Variants in LGR5 observed in about 807,000 individuals in gnomAD.
The protein encoded by LGR5 is leucine rich repeat containing G protein-coupled receptor 5, also known as leucine-rich repeat-containing G protein-coupled receptor 5.
In LGR5, 54 loss-of-function variants were observed where a neutral mutation model predicts 76.7. The observed-to-expected ratio is 0.70, with a 90% CI of 0.57 to 0.88. The LOEUF (loss-of-function observed/expected upper bound fraction) is 0.88, where lower values mean the gene tolerates loss of function less well. Ranked by LOEUF, LGR5 falls within the 40% of genes least tolerant of loss-of-function variation. The probability of loss-of-function intolerance (pLI) is 0.00; values close to 1 mark genes in which losing one functional copy is unlikely to be tolerated. For missense variants in LGR5, 1,078 were observed against 1,073.3 expected, an observed-to-expected ratio of 1.00 and a Z score of -0.06; for synonymous variants, 406 against 421.9, an observed-to-expected ratio of 0.96 and a Z score of 0.46.
rs1472795339 is a variant in LGR5, at chr12:71,440,279, T to C, written c.199T>C (p.Phe67Leu). The stretch of plus-strand genomic sequence containing the variant: ...GGAGCTGCCTTCCAACCTCAGCGTC[T>C]TCACCTCCTACCTGTAAGTACTTCC... The part of the protein sequence containing the change: ...LSELPSNLSV[F>L]TSYLDLSMNN... The change falls in exon 1 of 18, where the codon TTC (phenylalanine) becomes CTC (leucine). Residue 67 changes from phenylalanine (F) to leucine (L), a missense_variant. Transcript: ENST00000266674. This position sits in a 1 kb window ranked among gnomAD's most constrained non-coding sequence, Gnocchi z 5.3. 7 of 1,611,314 alleles carry C rather than the reference T, an allele frequency of 4.3e-6. No homozygotes were observed. Among genetic ancestry groups the C allele is most frequent in the Non-Finnish European group, 5.9e-6 (7 of 1,179,922 alleles).
At chr12:71,540,844 A>C (rs1216422881) in intron 4 of LGR5, among the ~76,000 whole-genome samples, 1 of 152,218 alleles carries the variant, frequency 6.6e-6, no homozygotes, top group Non-Finnish European at 1.5e-5. Flanking sequence ...CCAAAAGAAT[A>C]AGATTAAAGG....
intron 11 of LGR5, chr12:71,567,208 CT>C: frequency 2.7e-6 from 1 of 370,846 alleles, no homozygotes; most frequent in Non-Finnish European, 5.1e-6. Flanking sequence ...TTATTTCCCC[CT>C]CTAAAGGCTT....
intron 2 of LGR5, among the ~76,000 whole-genome samples, chr12:71,518,671 A>G (rs922384138): frequency 2.0e-5 from 3 of 152,166 alleles, no homozygotes; most frequent in Admixed American, 6.5e-5. Flanking sequence ...TTCAGCCATA[A>G]AAAAGAACAA....
At chr12:71,488,140 A>G (rs1873916060) in intron 1 of LGR5, among the ~76,000 whole-genome samples, 2 of 152,384 alleles carry the variant, frequency 1.3e-5, no homozygotes, top group South Asian at 2.1e-4. Flanking sequence ...TACTTTGAAC[A>G]GTAGACTTTA....
chr12:71,465,952 CA>C (rs1565664063), intron 1 of LGR5, among the ~76,000 whole-genome samples: 1 of 152,210 alleles, frequency 6.6e-6, no homozygotes, highest in Non-Finnish European at 1.5e-5. Context: ...GCACCTCTTC[CA>C]TACTCCTTTC....
chr12:71,560,450 G>T (rs1877998863), intron 7 of LGR5, among the ~76,000 whole-genome samples: 1 of 152,292 alleles, frequency 6.6e-6, no homozygotes, highest in African/African-American at 2.4e-5. Flanking sequence ...GGAGATGTTT[G>T]TCTCGTTATC....
chr12:71,474,223 T>A (rs553147490), intron 1 of LGR5, among the ~76,000 whole-genome samples: 2 of 152,194 alleles, frequency 1.3e-5, no homozygotes, highest in East Asian at 3.9e-4. Flanking sequence ...CAGCAAAGGA[T>A]AAACAATTCA....
intron 1 of LGR5, among the ~76,000 whole-genome samples, chr12:71,477,691 T>C (rs562528079): frequency 3.6e-4 from 55 of 152,290 alleles, no homozygotes; most frequent in South Asian, 1.2e-3. Context: ...TGGAAATTTT[T>C]CTTTTTAATA....
At chr12:71,548,428 T>G (rs1470904571) in intron 4 of LGR5, among the ~76,000 whole-genome samples, 4 of 152,150 alleles carry the variant, frequency 2.6e-5, no homozygotes, top group African/African-American at 9.6e-5. Context: ...ATTTCTATTA[T>G]GAGGGTTGAA....
rs1003544817 is a variant in LGR5, at chr12:71,585,288, G to A, written c.*554G>A. 1.3e-5 allele frequency: 2 copies of A among 154,304 alleles called. No homozygotes were observed. The highest frequency in any genetic ancestry group is 2.9e-5 in the Non-Finnish European group (2 of 69,482). The allele number at this position is 154,304 out of a possible 1,614,324, so 9.6% of individuals were successfully genotyped here. A position where few individuals can be genotyped will look rare whatever the true frequency, so the allele number is the denominator to read the frequency against. On this transcript the variant is annotated 3_prime_UTR_variant, in exon 18 of 18. Transcript: ENST00000266674. Reference sequence around the variant, plus strand: ...ATCCTTCTAAGGCACAAATCCCTTAGATGGATAATGTAAGGTATTGTTAAC... The same window carrying A: ...ATCCTTCTAAGGCACAAATCCCTTAAATGGATAATGTAAGGTATTGTTAAC...
intron 1 of LGR5, among the ~76,000 whole-genome samples, chr12:71,467,859 C>T (rs1872928506): frequency 6.6e-6 from 1 of 152,144 alleles, no homozygotes; most frequent in African/African-American, 2.4e-5. Flanking sequence ...ATTGTTTAAA[C>T]TTGCAAAGCA....
chr12:71,471,694 G>A (rs558022619), intron 1 of LGR5, among the ~76,000 whole-genome samples: 9 of 150,172 alleles, frequency 6.0e-5, no homozygotes, highest in Non-Finnish European at 1.0e-4. Flanking sequence ...TGAATCCTCC[G>A]CAACTTACCA....
chr12:71,567,778 A>G (rs992495117), intron 11 of LGR5, among the ~76,000 whole-genome samples: 1 of 152,162 alleles, frequency 6.6e-6, no homozygotes, highest in Non-Finnish European at 1.5e-5. Flanking sequence ...GGGTGCAGTG[A>G]CACCACATGG....
rs771072085 is a variant in LGR5 at position 71,583,759 on chromosome 12, C to G, written c.1749C>G (p.Phe583Leu). ...ATGCTTTGGTGACTTCAACAGTTTT[C>G]AGATCCCCTCTGTACATTTCCCCCA... ...TCNALVTSTV[F>L]RSPLYISPIK... is the part of the protein sequence containing the mutation. Residue 583 changes from phenylalanine to leucine, a missense_variant, in exon 18 of 18, where the codon TTC becomes TTG. By Grantham distance (22) the Phe-to-Leu change is conservative. Transcript: ENST00000266674. 1.1e-5 allele frequency: 17 copies of G among 1,614,138 alleles called. 1 individual carries two copies. Among genetic ancestry groups the G allele is most frequent in the Non-Finnish European group, 1.3e-5 (15 of 1,180,026 alleles).
intron 12 of LGR5, among the ~76,000 whole-genome samples, 169 bp downstream of exon 12, chr12:71,571,748 A>G (rs1229919203): frequency 6.6e-6 from 1 of 152,236 alleles, no homozygotes; most frequent in Non-Finnish European, 1.5e-5. Context: ...GTTGAGAAAC[A>G]TAGATAATAT....
intron 1 of LGR5, among the ~76,000 whole-genome samples, chr12:71,497,296 C>T (rs1325166604): frequency 6.7e-6 from 1 of 148,398 alleles, no homozygotes; most frequent in Non-Finnish European, 1.5e-5. Flanking sequence ...GCCTGGGTGA[C>T]AGAGTGAAAC....
At chr12:71,570,617 C>A (rs1430167271) in intron 11 of LGR5, among the ~76,000 whole-genome samples, 1 of 151,978 alleles carries the variant, frequency 6.6e-6, no homozygotes. Flanking sequence ...ATCTTTCAAA[C>A]CTTCAGAAAG....
intron 4 of LGR5, among the ~76,000 whole-genome samples, chr12:71,537,191 A>AC (rs146302835): frequency 0.049 from 7,526 of 152,088 alleles, 246 homozygotes; most frequent in Middle Eastern, 0.12. Context: ...GTCAAAAAAA[A>AC]AAAAAAAAGC....
chr12:71,464,989 G>T (rs997906944), intron 1 of LGR5, among the ~76,000 whole-genome samples: 4 of 152,136 alleles, frequency 2.6e-5, no homozygotes, highest in African/African-American at 9.7e-5. Flanking sequence ...AAGATCCTCT[G>T]CTAATACTAC....
Sources: allele counts gnomAD v4.1 joint callset (sites outside exome capture counted in the v4.1 genomes callset), GRCh38; gene constraint gnomAD v4.1.1; non-coding constraint Gnocchi (gnomAD v3.1); transcripts MANE v1.5; gene names NCBI Gene and HGNC (gene_info 2026-07-23, HGNC 2026-07-21).